The following CSMD3 variants were observed in gnomAD, a reference collection of about 807,000 sequenced individuals.
CSMD3 encodes CUB and Sushi multiple domains 3.
CSMD3 carries 177 observed loss-of-function variants against 435.2 expected under a neutral mutation model. The observed-to-expected ratio is 0.41, with a 90% CI of 0.36 to 0.46. The LOEUF is 0.46. CSMD3 is among the 20% of genes least tolerant of loss of function. CSMD3 has a pLI of 0.34. For missense variants in CSMD3, 4,265 were observed against 4,504.6 expected, an observed-to-expected ratio of 0.95 and a Z score of 1.52; for synonymous variants, 1,656 against 1,520.5, an observed-to-expected ratio of 1.09 and a Z score of -2.07.
At chr8:112,276,872 C>T (rs1308371555) in intron 59 of CSMD3, among the ~76,000 whole-genome samples, 1 of 152,104 alleles carries the variant, frequency 6.6e-6, no homozygotes, top group Non-Finnish European at 1.5e-5. Context: ...AAGCCACAGC[C>T]TGAGCCATAC....
chr8:113,415,392 G>A (rs192833562), intron 1 of CSMD3, among the ~76,000 whole-genome samples: 4 of 152,206 alleles, frequency 2.6e-5, no homozygotes, highest in Admixed American at 2.6e-4. Context: ...TAAAGACCAG[G>A]CCTGTACAAA....
intron 32 of CSMD3, among the ~76,000 whole-genome samples, chr8:112,462,166 C>T (rs1817512398): frequency 6.6e-6 from 1 of 152,210 alleles, no homozygotes; most frequent in Admixed American, 6.5e-5. Context: ...CTTCAGTTTA[C>T]AATTGTTACC....
intron 5 of CSMD3, among the ~76,000 whole-genome samples, chr8:113,033,569 A>ATTTTTTTTTTTTTTTTTTTTTTTTT (rs1285513451): frequency 9.4e-6 from 1 of 106,836 alleles, no homozygotes; most frequent in African/African-American, 3.4e-5. Flanking sequence ...TTTGATTTTG[A>ATTTTTTTTTTTTTTTTTTTTTTTTT]TTTTTTTTTT....
At chr8:113,079,731 TC>T (rs1405050892) in intron 5 of CSMD3, among the ~76,000 whole-genome samples, 1 of 152,168 alleles carries the variant, frequency 6.6e-6, no homozygotes, top group Admixed American at 6.5e-5. Flanking sequence ...AATGTTTTTT[TC>T]GTTTGATGCT....
chr8:112,595,320 G>A (rs1004436964), intron 22 of CSMD3, among the ~76,000 whole-genome samples: 2 of 150,492 alleles, frequency 1.3e-5, no homozygotes, highest in Non-Finnish European at 3.0e-5. Flanking sequence ...AGAGAAAAAA[G>A]AATAACAAGA....
intron 1 of CSMD3, among the ~76,000 whole-genome samples, chr8:113,349,486 A>T (rs1035672701): frequency 2.0e-5 from 3 of 152,110 alleles, no homozygotes; most frequent in Non-Finnish European, 4.4e-5. Flanking sequence ...AAAAGAAAAA[A>T]TTTTAAAGCT....
Position 112,573,486 on chromosome 8 carries a change from T to A in CSMD3, c.4042+15A>T, listed in dbSNP as rs765398457. Reference sequence around the variant, plus strand: ...ACCCCAGTGTTTGGCCATTTTACTCTTCTAAAATACTTACTGGTATACACA... The same window carrying A: ...ACCCCAGTGTTTGGCCATTTTACTCATCTAAAATACTTACTGGTATACACA... On this transcript the variant is annotated intron_variant, in intron 24 of 70. Transcript: ENST00000297405. The A allele has an allele frequency of 6.2e-7, 1 of 1,607,478 alleles. No individual in the cohort carries two copies. The highest frequency in any genetic ancestry group is 8.5e-7 in the Non-Finnish European group (1 of 1,174,136).
chr8:113,418,304 T>C (rs959367003), intron 1 of CSMD3, among the ~76,000 whole-genome samples: 5 of 152,152 alleles, frequency 3.3e-5, no homozygotes, highest in Non-Finnish European at 5.9e-5. Flanking sequence ...GGTAGTATTT[T>C]TGCAAGATGA....
At chr8:112,691,512 T>A (rs1367742451) in intron 13 of CSMD3, among the ~76,000 whole-genome samples, 2 of 152,112 alleles carry the variant, frequency 1.3e-5, no homozygotes, top group Non-Finnish European at 2.9e-5. Flanking sequence ...TTGTTTGTTT[T>A]TTCTTTTGCT....
intron 35 of CSMD3, among the ~76,000 whole-genome samples, chr8:112,398,378 T>C (rs778586661): frequency 9.9e-5 from 15 of 152,162 alleles, no homozygotes; most frequent in Non-Finnish European, 1.9e-4. Context: ...TCTCCCTGAC[T>C]AACATCACAC....
intron 31 of CSMD3, among the ~76,000 whole-genome samples, chr8:112,491,203 T>C (rs1353248084): frequency 6.6e-6 from 1 of 152,172 alleles, no homozygotes; most frequent in African/African-American, 2.4e-5. Context: ...ATATCAAAAA[T>C]TGTCATTTAT....
At chr8:112,947,919 G>A in intron 8 of CSMD3, 42 bp from the exon 9 acceptor site, 1 of 825,216 alleles carries the variant, frequency 1.2e-6, no homozygotes, top group Non-Finnish European at 2.1e-6. Flanking sequence ...CAAAATATAT[G>A]TGATTAGAAA....
At chr8:112,666,782 C>T (rs1200448674) in intron 16 of CSMD3, among the ~76,000 whole-genome samples, 2 of 152,182 alleles carry the variant, frequency 1.3e-5, no homozygotes, top group East Asian at 1.9e-4. Flanking sequence ...GATTTTCTTA[C>T]TTATGTTATC....
At chr8:112,607,879 C>T (rs1046238163) in intron 22 of CSMD3, among the ~76,000 whole-genome samples, 3 of 151,978 alleles carry the variant, frequency 2.0e-5, no homozygotes, top group Non-Finnish European at 4.4e-5. Context: ...AAAGCTTGCC[C>T]AACAAGATTA....
chr8:112,357,444 C>T (rs972039999), intron 38 of CSMD3, among the ~76,000 whole-genome samples: 2 of 152,000 alleles, frequency 1.3e-5, no homozygotes, highest in Non-Finnish European at 1.5e-5. Context: ...AAAGAAAATC[C>T]CATTTTCTGA....
At position 113,048,380 on chromosome 8, in the gene CSMD3, A is replaced by C. The variant is rs11994884; in HGVS notation, c.918-29201T>G. The stretch of plus-strand genomic sequence containing the variant: ...AGTGCTGGGATTACAGGCGTGAGCC[A>C]CCGCGCCCAGCCAAACTTCAATTCT... On this transcript the variant is annotated intron_variant, in intron 5 of 70. Coordinates refer to ENST00000297405, the MANE Select transcript of CSMD3 (RefSeq NM_198123.2). 7.9e-3 allele frequency among the ~76,000 whole-genome samples: 1,201 copies of C among 152,290 alleles called. 19 individuals are homozygous for C. Among genetic ancestry groups the C allele is most frequent in the African/African-American group, 0.027 (1,139 of 41,574 alleles).
chr8:112,299,315 T>C (rs942650785), intron 53 of CSMD3, among the ~76,000 whole-genome samples: 7 of 152,238 alleles, frequency 4.6e-5, no homozygotes, highest in Middle Eastern at 3.4e-3. Context: ...AAAACTGATC[T>C]AACTGAACTT....
At chr8:112,871,049 C>A (rs916990484) in intron 10 of CSMD3, among the ~76,000 whole-genome samples, 1 of 152,138 alleles carries the variant, frequency 6.6e-6, no homozygotes, top group African/African-American at 2.4e-5. Flanking sequence ...AATCAAGGTA[C>A]AAGGTGTCCA....
intron 10 of CSMD3, among the ~76,000 whole-genome samples, chr8:112,915,756 C>T (rs933834005): frequency 1.3e-5 from 2 of 151,640 alleles, no homozygotes; most frequent in Admixed American, 1.3e-4. Flanking sequence ...AAATTTGAAA[C>T]CTGTCTTTTT....
Sources: gnomAD v4.1 joint callset for allele counts (sites outside exome capture counted in the v4.1 genomes callset) on GRCh38, gnomAD v4.1.1 for gene constraint, MANE v1.5 for transcripts, NCBI Gene and HGNC (gene_info 2026-07-23, HGNC 2026-07-21) for gene names.